Variants in NTN1 observed in about 807,000 individuals in gnomAD.
NTN1 encodes netrin-1.
In NTN1, 11 loss-of-function variants were observed where a neutral mutation model predicts 54.2. That is an observed-to-expected ratio of 0.20 (90% CI 0.13 to 0.34). NTN1 has a LOEUF of 0.34. Among genes scored for constraint, NTN1 ranks in the 10% least tolerant of loss-of-function variants. The probability of loss-of-function intolerance (pLI) is 1.00; values close to 1 mark genes in which losing one functional copy is unlikely to be tolerated. For synonymous variants in NTN1, 371 were observed against 382.0 expected (o/e 0.97, Z 0.33); for missense variants, 740 against 893.1 (o/e 0.83, Z 2.18).
intron 2 of NTN1, among the ~76,000 whole-genome samples, chr17:9,023,837 T>C (rs1190918955): frequency 6.6e-6 from 1 of 152,166 alleles, no homozygotes; most frequent in South Asian, 2.1e-4. Flanking sequence ...TACAAATCCC[T>C]TGGGAGATGG....
At chr17:9,068,337 C>T (rs1567702350) in intron 2 of NTN1, among the ~76,000 whole-genome samples, 1 of 152,038 alleles carries the variant, frequency 6.6e-6, no homozygotes, top group African/African-American at 2.4e-5. Flanking sequence ...ATGTGCACCA[C>T]AGCTGGCTAA....
chr17:9,099,867 A>T (rs931401201), intron 2 of NTN1, among the ~76,000 whole-genome samples: 3 of 152,252 alleles, frequency 2.0e-5, no homozygotes, highest in Admixed American at 1.3e-4. Context: ...AATTTAAAAT[A>T]ATATACATTA....
At chr17:9,062,285 G>T (rs1035385598) in intron 2 of NTN1, among the ~76,000 whole-genome samples, 2 of 152,194 alleles carry the variant, frequency 1.3e-5, no homozygotes, top group Non-Finnish European at 2.9e-5. Context: ...TTCTGGGCTG[G>T]AGAAGCCATC....
chr17:9,177,832 G>C (rs187279308), intron 3 of NTN1: 1 of 152,224 alleles, frequency 6.6e-6, no homozygotes, highest in South Asian at 2.1e-4. Context: ...TCTTACTGTC[G>C]AGAGAGACAA....
rs148325330 is a variant in NTN1 at position 9,114,714 on chromosome 17, G to A, written c.1019-48099G>A. On this transcript the variant is annotated intron_variant, in intron 2 of 6. Coordinates refer to ENST00000173229, the MANE Select transcript of NTN1 (RefSeq NM_004822.3). Reference sequence around the variant, plus strand: ...GGTTGCAGCGAGCCGAGATTGTGCCGCTGCACTCCAGCCTAGGCAACAGAG... The same window carrying A: ...GGTTGCAGCGAGCCGAGATTGTGCCACTGCACTCCAGCCTAGGCAACAGAG... Among the ~76,000 whole-genome samples the A allele has an allele frequency of 9.2e-3, 1,405 of 152,186 alleles. 16 individuals carry two copies. The highest frequency in any genetic ancestry group is 0.033 in the African/African-American group (1,350 of 41,522).
chr17:9,114,388 A>G (rs2092203715), intron 2 of NTN1, among the ~76,000 whole-genome samples: 1 of 151,336 alleles, frequency 6.6e-6, no homozygotes, highest in African/African-American at 2.4e-5. Context: ...TACAAAATGC[A>G]TCTATTTCTG....
At chr17:9,161,839 T>C (rs1294112999) in intron 2 of NTN1, among the ~76,000 whole-genome samples, 3 of 152,158 alleles carry the variant, frequency 2.0e-5, no homozygotes, top group Non-Finnish European at 2.9e-5. Context: ...GGGGAGCCTG[T>C]GGGACTCAGC....
intron 5 of NTN1, among the ~76,000 whole-genome samples, chr17:9,217,763 T>C (rs939734906): frequency 6.6e-6 from 1 of 151,486 alleles, no homozygotes; most frequent in African/African-American, 2.4e-5. Flanking sequence ...TTGGTCTTTG[T>C]TTTCCTAGCA....
In NTN1 at chr17:9,101,241, A is replaced by G. The variant is rs2092149363; in HGVS notation, c.1019-61572A>G. 2.0e-5 allele frequency among the ~76,000 whole-genome samples: 3 copies of G among 152,196 alleles called. No homozygotes were observed. In the South Asian group the frequency reaches 6.2e-4, roughly 31 times the overall value. ...GTCATACAGTAGGGCCTCAATAAAC[A>G]TTTGCTGGATTGAATTAAATTGGAT... On this transcript the variant is annotated intron_variant, in intron 2 of 6. Coordinates refer to ENST00000173229, the MANE Select transcript of NTN1 (RefSeq NM_004822.3).
intron 3 of NTN1, among the ~76,000 whole-genome samples, chr17:9,167,056 G>GGT (rs1329842181): frequency 6.6e-6 from 1 of 152,190 alleles, no homozygotes; most frequent in African/African-American, 2.4e-5. Flanking sequence ...TGGCAGGGTT[G>GGT]GTGCGTACAA....
intron 2 of NTN1, among the ~76,000 whole-genome samples, chr17:9,061,194 G>A (rs2091997178): frequency 6.6e-6 from 1 of 152,164 alleles, no homozygotes; most frequent in Non-Finnish European, 1.5e-5. Context: ...AGAAGGCCTG[G>A]TGGAGGAGGA....
chr17:9,164,412 G>A (rs1390600429), intron 3 of NTN1, among the ~76,000 whole-genome samples: 1 of 148,428 alleles, frequency 6.7e-6, no homozygotes, highest in Non-Finnish European at 1.5e-5. Flanking sequence ...GTGACAGAGC[G>A]AAACACTGTC....
rs1567748816 is a variant in NTN1, at chr17:9,235,954, C to T, written c.1487-3686C>T. On this transcript the variant is annotated intron_variant, in intron 6 of 6. Coordinates refer to ENST00000173229, the MANE Select transcript of NTN1 (RefSeq NM_004822.3). ...TTTAGTAGAGACAATCTGCCTGCCTCGGCCTCCCAAAGTGCTGGGATTACA... is the reference window on the plus strand; with the variant it reads ...TTTAGTAGAGACAATCTGCCTGCCTTGGCCTCCCAAAGTGCTGGGATTACA... Among the ~76,000 whole-genome samples the T allele has an allele frequency of 2.6e-5, 4 of 151,994 alleles. No homozygotes were observed. In the South Asian group the frequency reaches 8.3e-4, roughly 32 times the overall value.
chr17:9,015,319 G>A, the NTN1 span, among the ~76,000 whole-genome samples: 4 of 152,158 alleles, frequency 2.6e-5, no homozygotes, highest in African/African-American at 9.7e-5. Context: ...GCTGAGGCAG[G>A]AGAATTGCTT....
At chr17:9,090,655 G>A (rs871826) in intron 2 of NTN1, among the ~76,000 whole-genome samples, 95,446 of 151,802 alleles carry the variant, frequency 0.63, 30,524 homozygotes, top group East Asian at 0.95. Flanking sequence ...CTGGCTTCCC[G>A]CTGCTTGTCT....
intron 3 of NTN1, among the ~76,000 whole-genome samples, chr17:9,179,488 G>A (rs1261852206): frequency 6.6e-6 from 1 of 152,222 alleles, no homozygotes; most frequent in Non-Finnish European, 1.5e-5. Context: ...CGTGATGAGG[G>A]CTACGGGCTC....
chr17:9,067,128 A>C (rs371696852), intron 2 of NTN1, among the ~76,000 whole-genome samples: 1 of 151,832 alleles, frequency 6.6e-6, no homozygotes, highest in Non-Finnish European at 1.5e-5. Flanking sequence ...TTAGCCAGGC[A>C]TGGTGGTGCA....
chr17:9,171,813 G>A (rs1567728070), intron 3 of NTN1: 1 of 151,884 alleles, frequency 6.6e-6, no homozygotes, highest in Admixed American at 6.6e-5. Flanking sequence ...CTGGAGAGGA[G>A]TTGGGTCCCA....
chr17:9,156,620 T>C (rs9894171), intron 2 of NTN1, among the ~76,000 whole-genome samples: 37,562 of 152,054 alleles, frequency 0.25, 4,914 homozygotes, highest in African/African-American at 0.32. Context: ...TCAAAAACAA[T>C]GGATGCAGAT....
Sources: gnomAD v4.1 joint callset for allele counts (sites outside exome capture counted in the v4.1 genomes callset) on GRCh38, gnomAD v4.1.1 for gene constraint, MANE v1.5 for transcripts, NCBI Gene and HGNC (gene_info 2026-07-23, HGNC 2026-07-21) for gene names.